Variants in IDH3A observed in about 807,000 individuals in gnomAD.
The protein encoded by IDH3A is isocitrate dehydrogenase [NAD] subunit alpha, mitochondrial.
IDH3A carries 23 observed loss-of-function variants against 43.3 expected under a neutral mutation model. That is an observed-to-expected ratio of 0.53 (90% CI 0.38 to 0.75). The LOEUF is 0.75. IDH3A is among the 30% of genes least tolerant of loss of function. The pLI, the probability that IDH3A is intolerant of heterozygous loss-of-function variation, is 0.00. For missense variants in IDH3A, 329 were observed against 474.4 expected (o/e 0.69, Z 2.85); for synonymous variants, 154 against 163.5 (o/e 0.94, Z 0.44).
chr15:78,153,156 G>A (rs2074593621), intron 1 of IDH3A, among the ~76,000 whole-genome samples: 1 of 151,962 alleles, frequency 6.6e-6, no homozygotes, highest in Non-Finnish European at 1.5e-5. Flanking sequence ...GAGTGCAGTG[G>A]CATAATCATA....
Position 78,163,696 on chromosome 15 carries a change from C to T in IDH3A, c.715-20C>T, listed in dbSNP as rs1303747485. On this transcript the variant is annotated intron_variant, in intron 7 of 10. Coordinates refer to ENST00000299518, the MANE Select transcript of IDH3A (RefSeq NM_005530.3). ...GGATGCAGATTTTGATTACTAAATG[C>T]ACAAATGTATTCCTTGTAGATGGTA... The T allele has an allele frequency of 6.2e-7, 1 of 1,606,346 alleles. No individual in the cohort carries two copies. Among genetic ancestry groups the T allele is most frequent in the South Asian group, 1.1e-5 (1 of 90,810 alleles).
Position 78,158,464 on chromosome 15 carries a change from T to TATATATATATATATATATATATA in IDH3A, c.174+833_174+834insATATATATATATATATATATATA, listed in dbSNP as rs71145899. Among the ~76,000 whole-genome samples the TATATATATATATATATATATATA allele has an allele frequency of 3.0e-3, 149 of 49,866 alleles. 5 individuals are homozygous for TATATATATATATATATATATATA. Among genetic ancestry groups the TATATATATATATATATATATATA allele is most frequent in the Non-Finnish European group, 3.7e-3 (98 of 26,460 alleles). 32.7% of individuals were successfully genotyped at this position (49,866 alleles called of 152,430 possible). On this transcript the variant is annotated intron_variant, in intron 3 of 10. Coordinates refer to ENST00000299518, the MANE Select transcript of IDH3A (RefSeq NM_005530.3). The stretch of plus-strand genomic sequence containing the variant: ...ACATACATACATATATATATATATA[T>TATATATATATATATATATATATA]TTTTTTTTTTTTTTTTTTTTTTTTT...
At chr15:78,157,151 G>A (rs1441001996) in intron 2 of IDH3A, 3 of 1,106,338 alleles carry the variant, frequency 2.7e-6, no homozygotes, top group Non-Finnish European at 3.3e-6. Context: ...ATGAGAAACC[G>A]TCTAAATTTT....
chr15:78,162,409 G>A, intron 6 of IDH3A, 42 bp downstream of exon 6: 1 of 1,604,364 alleles, frequency 6.2e-7, no homozygotes, highest in African/African-American at 1.3e-5. Context: ...TTGCTTTGTT[G>A]TGGGAGAGCA....
chr15:78,152,282 C>T (rs1186242323), intron 1 of IDH3A, among the ~76,000 whole-genome samples: 1 of 151,116 alleles, frequency 6.6e-6, no homozygotes, highest in African/African-American at 2.4e-5. Flanking sequence ...TGGTCTTGAA[C>T]CCTGACCTCA....
At chr15:78,162,119 G>A (rs2074686748) in intron 5 of IDH3A, 115 bp from the exon 6 acceptor site, 1 of 1,039,680 alleles carries the variant, frequency 9.6e-7, no homozygotes, top group Non-Finnish European at 1.5e-6. Context: ...GATTAGTCAT[G>A]CTAGCTGGCA....
intron 2 of IDH3A, among the ~76,000 whole-genome samples, chr15:78,156,108 C>A (rs938658912): frequency 1.3e-5 from 2 of 152,192 alleles, no homozygotes; most frequent in Admixed American, 6.5e-5. Context: ...CCAAAGCGTT[C>A]TTTTGGCTCT....
chr15:78,168,656 A>C lies in IDH3A; in HGVS notation c.1018-266A>C, dbSNP rs1162735705. 5 of 290,724 alleles carry C rather than the reference A, an allele frequency of 1.7e-5. No individual in the cohort carries two copies. In the East Asian group the frequency reaches 2.3e-4, roughly 13 times the overall value. 18.0% of individuals were successfully genotyped at this position (290,724 alleles called of 1,614,324 possible). A position where few individuals can be genotyped will look rare whatever the true frequency, so the allele number is the denominator to read the frequency against. On this transcript the variant is annotated intron_variant, in intron 10 of 10. Transcript: ENST00000299518. ...GGGTCTATTGTGTGAACAAAGGGAA[A>C]ATTTTGGTAAAGCTCCCTGCCTCCC...
intron 4 of IDH3A, among the ~76,000 whole-genome samples, chr15:78,160,547 A>G (rs1377569123): frequency 2.6e-5 from 4 of 152,074 alleles, no homozygotes; most frequent in African/African-American, 9.7e-5. Flanking sequence ...GCTGGAGTGC[A>G]GTGGTGTGAT....
At position 78,168,957 on chromosome 15, in the gene IDH3A, C is replaced by T. The variant is rs1194252637; in HGVS notation, c.1053C>T (p.Cys351=). The change falls in exon 11 of 11, where the codon TGC becomes TGT. Residue 351 remains cysteine (C), a synonymous_variant. Coordinates refer to ENST00000299518, the MANE Select transcript of IDH3A (RefSeq NM_005530.3). The part of the protein sequence containing the change: ...LTKDLGGNAK[C]SDFTEEICRR... ...AAGATTTGGGAGGCAATGCAAAATG[C>T]TCAGACTTCACAGAGGAAATCTGTC... 1.9e-6 allele frequency: 3 copies of T among 1,604,080 alleles called. No individual in the cohort carries two copies. The highest frequency in any genetic ancestry group is 1.7e-6 in the Non-Finnish European group (2 of 1,171,904).
rs781290745 is a variant in IDH3A at position 78,149,412 on chromosome 15, G to A, written c.9G>A (p.Gly3=). Reference sequence around the variant, plus strand: ...AGCCAGGAGGGGAAGCGATGGCTGGGCCCGCGTGGATCTCTAAGGTGAGCG... The same window carrying A: ...AGCCAGGAGGGGAAGCGATGGCTGGACCCGCGTGGATCTCTAAGGTGAGCG... MA[G]PAWISKVSRL... is the part of the protein sequence containing the mutation. Residue 3 remains glycine (G), a synonymous_variant, in exon 1 of 11, where the codon GGG becomes GGA. Coordinates refer to ENST00000299518, the MANE Select transcript of IDH3A (RefSeq NM_005530.3). The A allele has an allele frequency of 6.4e-7, 1 of 1,552,264 alleles. No homozygotes were observed. The highest frequency in any genetic ancestry group is 1.2e-5 in the South Asian group (1 of 84,896).
At chr15:78,167,536 C>T (rs931682713) in intron 10 of IDH3A, 1 of 152,150 alleles carries the variant, frequency 6.6e-6, no homozygotes, top group East Asian at 1.9e-4. Context: ...CCATTTTAGC[C>T]GTATTTAGGT....
chr15:78,163,656 G>T, intron 7 of IDH3A, 47 bp downstream of exon 7: 1 of 1,548,550 alleles, frequency 6.5e-7, no homozygotes, highest in South Asian at 1.1e-5. Flanking sequence ...GGTGAATGGT[G>T]TCTGTGTGTT....
At chr15:78,150,513 T>A (rs1245534783) in intron 1 of IDH3A, among the ~76,000 whole-genome samples, 4 of 152,240 alleles carry the variant, frequency 2.6e-5, no homozygotes, top group Non-Finnish European at 5.9e-5. Flanking sequence ...AAAAGATCTC[T>A]GTACTGGAAT....
In IDH3A at chr15:78,169,135, C is replaced by A; in HGVS notation, c.*130C>A. 1.9e-6 allele frequency: 1 copy of A among 530,452 alleles called. No individual in the cohort carries two copies. Among genetic ancestry groups the A allele is most frequent in the Non-Finnish European group, 3.3e-6 (1 of 305,256 alleles). 32.9% of individuals were successfully genotyped at this position (530,452 alleles called of 1,614,324 possible). A position where few individuals can be genotyped will look rare whatever the true frequency, so the allele number is the denominator to read the frequency against. ...AGTACATTTTTAGATCTGGCCTTTT[C>A]TTAACAAAATCTGTGCAAAAGATGC... On this transcript the variant is annotated 3_prime_UTR_variant, in exon 11 of 11. Transcript: ENST00000299518.
At chr15:78,165,982 C>T (rs962481782) in intron 9 of IDH3A, 168 bp from the exon 10 acceptor site, 1 of 638,656 alleles carries the variant, frequency 1.6e-6, no homozygotes. Flanking sequence ...AGCTATCACG[C>T]CCAACCCAGA....
At chr15:78,165,241 G>C (rs1215488967) in intron 9 of IDH3A, among the ~76,000 whole-genome samples, 165 bp downstream of exon 9, 1 of 152,024 alleles carries the variant, frequency 6.6e-6, no homozygotes, top group Non-Finnish European at 1.5e-5. Flanking sequence ...ACCCACGCTG[G>C]AGTACAGTGG....
intron 1 of IDH3A, among the ~76,000 whole-genome samples, chr15:78,149,866 C>A (rs1244690208): frequency 6.6e-6 from 1 of 152,266 alleles, no homozygotes; most frequent in Non-Finnish European, 1.5e-5. Flanking sequence ...CACCTCTCAT[C>A]CGCTGTCTGC....
chr15:78,152,218 C>G (rs924032482), intron 1 of IDH3A, among the ~76,000 whole-genome samples: 1 of 151,520 alleles, frequency 6.6e-6, no homozygotes, highest in South Asian at 2.1e-4. Flanking sequence ...ACCATCACAC[C>G]CAGCTGATTT....
Sources: allele counts gnomAD v4.1 joint callset (sites outside exome capture counted in the v4.1 genomes callset), GRCh38; gene constraint gnomAD v4.1.1; transcripts MANE v1.5; gene names NCBI Gene and HGNC (gene_info 2026-07-23, HGNC 2026-07-21).